The following CHEK2 variants were observed in gnomAD, a reference collection of about 807,000 sequenced individuals.
CHEK2 encodes the protein checkpoint kinase 2, also known as serine/threonine-protein kinase Chk2.
In CHEK2, 71 loss-of-function variants were observed where a neutral mutation model predicts 69.1. The observed-to-expected ratio is 1.03, with a 90% CI of 0.85 to 1.25. The LOEUF (loss-of-function observed/expected upper bound fraction) is 1.25. CHEK2 is among the 50% of genes most tolerant of loss of function. The pLI is 0.00. For missense variants in CHEK2, 664 were observed against 649.6 expected, an observed-to-expected ratio of 1.02 and a Z score of -0.24; for synonymous variants, 189 against 226.9, an observed-to-expected ratio of 0.83 and a Z score of 1.50.
rs1555911654 is a variant in CHEK2 at position 28,687,996 on chromosome 22, A to G, written c.1543-10T>C. On this transcript the variant is annotated splice_polypyrimidine_tract_variant and intron_variant, in intron 14 of 14. Coordinates refer to ENST00000404276, the MANE Select transcript of CHEK2 (RefSeq NM_007194.4). ...TTCGACTAGTAGAAGGCTGAAAATA[A>G]AGGAAAATGGAGAAATGTTCAAAAG... The G allele has an allele frequency of 6.3e-7, 1 of 1,588,466 alleles. No individual in the cohort carries two copies.
chr22:28,734,565 A>G lies in CHEK2; in HGVS notation c.157T>C (p.Ser53Pro), dbSNP rs371657037. The change falls in exon 2 of 15, where the codon TCT (serine) becomes CCT (proline). Residue 53 changes from serine to proline, a missense_variant. Ser to Pro is a moderately conservative substitution (Grantham distance 74). Coordinates refer to ENST00000404276, the MANE Select transcript of CHEK2 (RefSeq NM_007194.4). ...CTCAGTGTCCCAGAGCTGGAGTGAGAGGACTGGCTGGAGTTTGGCATCGTG... is the reference window on the plus strand; with the variant it reads ...CTCAGTGTCCCAGAGCTGGAGTGAGGGGACTGGCTGGAGTTTGGCATCGTG... ...TSTMPNSSQSSHSSSGTLSSL... is the reference protein window; with the variant it reads ...TSTMPNSSQSPHSSSGTLSSL... 1.2e-6 allele frequency: 2 copies of G among 1,613,994 alleles called. No individual in the cohort carries two copies. Among genetic ancestry groups the G allele is most frequent in the Admixed American group, 1.7e-5 (1 of 59,974 alleles).
chr22:28,716,571 T>C (rs1318914243), intron 5 of CHEK2, among the ~76,000 whole-genome samples: 2 of 152,210 alleles, frequency 1.3e-5, no homozygotes, highest in Non-Finnish European at 2.9e-5. Context: ...CATCAGTTAC[T>C]GAATTCAGTA....
chr22:28,735,674 G>C (rs2054381153), intron 1 of CHEK2, among the ~76,000 whole-genome samples: 1 of 151,856 alleles, frequency 6.6e-6, no homozygotes, highest in African/African-American at 2.4e-5. Flanking sequence ...CTGAGATCAG[G>C]AGTTCAAGAC....
At chr22:28,698,228 T>TAAAAAAAAAAAAAAAAAAAAAA (rs398040472) in intron 9 of CHEK2, among the ~76,000 whole-genome samples, 5 of 81,894 alleles carry the variant, frequency 6.1e-5, no homozygotes, top group African/African-American at 1.1e-4. Context: ...CTATCTTTAC[T>TAAAAAAAAAAAAAAAAAAAAAA]AAAAAAAAAA....
In CHEK2 at chr22:28,687,873, T is replaced by G; in HGVS notation, c.*24A>C. 6.4e-7 allele frequency: 1 copy of G among 1,559,110 alleles called. No individual in the cohort carries two copies. The highest frequency in any genetic ancestry group is 8.7e-7 in the Non-Finnish European group (1 of 1,145,844). On this transcript the variant is annotated 3_prime_UTR_variant, in exon 15 of 15. Transcript: ENST00000404276. ...ATGACAGAGTGAAAGAAGGTACATT[T>G]CTTTCGTGTTCAAACCACGGAGTTC...
chr22:28,710,091 T>C (rs2145934943), intron 6 of CHEK2, 32 bp from the exon 7 acceptor site: 1 of 1,375,274 alleles, frequency 7.3e-7, no homozygotes, highest in African/African-American at 1.4e-5. Context: ...AGTTTATTAG[T>C]AATAATAATT....
intron 2 of CHEK2, chr22:28,726,464 T>C (rs2054015657): frequency 6.8e-6 from 1 of 146,772 alleles, no homozygotes. Context: ...ATACATGTTA[T>C]ATAAATTTAT....
chr22:28,705,078 C>CTT (rs71866422), intron 7 of CHEK2, among the ~76,000 whole-genome samples: 9 of 135,040 alleles, frequency 6.7e-5, no homozygotes, highest in Non-Finnish European at 8.0e-5. Flanking sequence ...AAATCCAAAT[C>CTT]TTTTTTTTTT....
At chr22:28,731,619 A>G (rs1455658141) in intron 2 of CHEK2, among the ~76,000 whole-genome samples, 1 of 152,048 alleles carries the variant, frequency 6.6e-6, no homozygotes, top group African/African-American at 2.4e-5. Context: ...AATAATAATG[A>G]TAAACAGTCT....
chr22:28,711,562 G>C (rs1428187984), intron 6 of CHEK2, among the ~76,000 whole-genome samples: 1 of 152,100 alleles, frequency 6.6e-6, no homozygotes. Flanking sequence ...GAAAACAGCT[G>C]TGGGGTTACA....
At position 28,734,838 on chromosome 22, in the gene CHEK2, A is replaced by AC. The variant is rs894845457; in HGVS notation, c.-6-112dup. ...AGCAAAAGAAAAGAAAAAAAAAAAA[A>AC]CAGGGCAAACATGCTCTCCAAAAAT... On this transcript the variant is annotated intron_variant, in intron 1 of 14. Coordinates refer to ENST00000404276, the MANE Select transcript of CHEK2 (RefSeq NM_007194.4). 3.3e-5 allele frequency: 29 copies of AC among 868,718 alleles called. No homozygotes were observed. In the African/African-American group the frequency reaches 4.0e-4, roughly 12 times the overall value. 53.8% of individuals were successfully genotyped at this position (868,718 alleles called of 1,614,324 possible).
chr22:28,707,254 A>C (rs995638153), intron 7 of CHEK2, among the ~76,000 whole-genome samples: 3 of 152,144 alleles, frequency 2.0e-5, no homozygotes, highest in African/African-American at 7.2e-5. Flanking sequence ...GGAATTAACG[A>C]TCTCTGTCAC....
Position 28,734,469 on chromosome 22 carries a change from G to A in CHEK2, c.253C>T (p.Pro85Ser), listed in dbSNP as rs1366081066. 2.5e-6 allele frequency: 4 copies of A among 1,613,558 alleles called. No individual in the cohort carries two copies. The highest frequency in any genetic ancestry group is 1.3e-5 in the African/African-American group (1 of 74,880). The change falls in exon 2 of 15, where the codon CCT becomes TCT. Residue 85 changes from proline (P) to serine (S), a missense_variant. By Grantham distance (74) the Pro-to-Ser change is moderately conservative. Transcript: ENST00000404276. ...CAGGGGGCAGGGGTAGGCTCCTCAG[G>A]TTCTTGGTCCTCAGGTTCTTGGTCC... Reference protein sequence around the residue: ...PEDQEPEDQEPEEPTPAPWAR... With the variant: ...PEDQEPEDQESEEPTPAPWAR...
At chr22:28,708,959 A>G in intron 7 of CHEK2, 1 of 415,980 alleles carries the variant, frequency 2.4e-6, no homozygotes, top group Non-Finnish European at 4.7e-6. Context: ...TCTCAAAAAA[A>G]AAAAAAAAAA....
At chr22:28,711,199 T>C (rs2053377965) in intron 6 of CHEK2, among the ~76,000 whole-genome samples, 1 of 152,164 alleles carries the variant, frequency 6.6e-6, no homozygotes, top group African/African-American at 2.4e-5. Flanking sequence ...TAAATGTTGA[T>C]TACAAAAGAG....
intron 2 of CHEK2, chr22:28,730,627 GC>G (rs1267693096): frequency 7.2e-6 from 4 of 554,986 alleles, no homozygotes; most frequent in Non-Finnish European, 3.4e-6. Flanking sequence ...GGAGGCCGAG[GC>G]GGGTGGATCA....
intron 8 of CHEK2, among the ~76,000 whole-genome samples, chr22:28,700,872 C>A (rs956450954): frequency 2.6e-5 from 4 of 152,112 alleles, no homozygotes; most frequent in Admixed American, 2.6e-4. Flanking sequence ...TCACCGCAAC[C>A]TCCACCTCCC....
At chr22:28,734,023 G>A (rs911502329) in intron 2 of CHEK2, among the ~76,000 whole-genome samples, 12 of 152,046 alleles carry the variant, frequency 7.9e-5, no homozygotes, top group African/African-American at 1.7e-4. Flanking sequence ...TGCATAAGGC[G>A]TCAATCCACA....
chr22:28,702,509 A>G (rs961004982), intron 8 of CHEK2, among the ~76,000 whole-genome samples: 12 of 139,540 alleles, frequency 8.6e-5, no homozygotes, highest in Non-Finnish European at 1.1e-4. Context: ...AAGTGCTGGG[A>G]TTACAGATGT....
Sources: gnomAD v4.1 joint callset for allele counts (sites outside exome capture counted in the v4.1 genomes callset) on GRCh38, gnomAD v4.1.1 for gene constraint, MANE v1.5 for transcripts, NCBI Gene and HGNC (gene_info 2026-07-23, HGNC 2026-07-21) for gene names.